SAMSN1: variants seen among roughly 807,000 people sequenced by gnomAD.
SAMSN1 encodes the protein SAM domain-containing protein SAMSN-1.
SAMSN1 carries 31 observed loss-of-function variants against 42.0 expected under a neutral mutation model. The ratio of observed to expected loss-of-function variants is 0.74; its 90% CI spans 0.55 to 1.00. The LOEUF is 1.00. Ranked by LOEUF, SAMSN1 falls within the 50% of genes least tolerant of loss-of-function variation. The probability of loss-of-function intolerance (pLI) is 0.00; values close to 1 mark genes in which losing one functional copy is unlikely to be tolerated. For synonymous variants in SAMSN1, 178 were observed against 151.9 expected, an observed-to-expected ratio of 1.17 and a Z score of -1.26; for missense variants, 464 against 439.4, an observed-to-expected ratio of 1.06 and a Z score of -0.50.
chr21:14,552,276 A>C (rs1980623185), intron 2 of SAMSN1, among the ~76,000 whole-genome samples: 2 of 151,932 alleles, frequency 1.3e-5, no homozygotes, highest in East Asian at 3.9e-4. Flanking sequence ...TCAGAGTAGA[A>C]GCACAAATGA....
rs141173339 is a variant in SAMSN1, at chr21:14,594,323, C to T, written c.400-245G>A. Among the ~76,000 whole-genome samples the T allele has an allele frequency of 4.5e-4, 69 of 151,926 alleles. No individual in the cohort carries two copies. In the East Asian group the frequency reaches 0.011, roughly 24 times the overall value. ...ACATAGTATATACACATTATATATC[C>T]ATATATGTGTGTGTGATATGTGTAT... On this transcript the variant is annotated intron_variant, in intron 6 of 15. Coordinates refer to the SAMSN1 transcript ENST00000647101.
chr21:14,652,112 C>G (rs931965690), intron 1 of SAMSN1, among the ~76,000 whole-genome samples: 1 of 151,850 alleles, frequency 6.6e-6, no homozygotes, highest in Non-Finnish European at 1.5e-5. Context: ...AATGTCCATT[C>G]TACTCAAAGC....
At chr21:14,577,366 G>T (rs1006988603) in intron 2 of SAMSN1, among the ~76,000 whole-genome samples, 1 of 144,812 alleles carries the variant, frequency 6.9e-6, no homozygotes, top group Non-Finnish European at 1.5e-5. Context: ...GCCTGCCTCA[G>T]CCTCCCAAAG....
chr21:14,570,219 G>A (rs998572014), intron 2 of SAMSN1, among the ~76,000 whole-genome samples: 1 of 152,144 alleles, frequency 6.6e-6, no homozygotes, highest in East Asian at 1.9e-4. Flanking sequence ...TCTAGAGAGA[G>A]AATTTATGAG....
upstream of SAMSN1, among the ~76,000 whole-genome samples, chr21:14,584,845 G>A (rs1202229016): frequency 1.3e-5 from 2 of 152,132 alleles, no homozygotes; most frequent in East Asian, 3.8e-4. Flanking sequence ...TCCTTTTAAG[G>A]AGACTATAAG....
At chr21:14,610,110 T>C (rs1982665803) in intron 4 of SAMSN1, among the ~76,000 whole-genome samples, 2 of 152,192 alleles carry the variant, frequency 1.3e-5, no homozygotes, top group Non-Finnish European at 2.9e-5. Context: ...ACAAGGGAGA[T>C]AACCTTAAAG....
At chr21:14,546,326 A>T, upstream of SAMSN1, 1 of 1,605,888 alleles carries the variant, frequency 6.2e-7, no homozygotes, top group African/African-American at 1.3e-5. Context: ...GAAAACAGTC[A>T]GCAGTGTGCT....
At chr21:14,562,713 T>C (rs950705699) in intron 2 of SAMSN1, among the ~76,000 whole-genome samples, 1 of 152,088 alleles carries the variant, frequency 6.6e-6, no homozygotes, top group Non-Finnish European at 1.5e-5. Context: ...ATCTTTATCC[T>C]AATTGGAAAA....
chr21:14,592,828 C>T (rs1013381588), intron 7 of SAMSN1, among the ~76,000 whole-genome samples: 9 of 152,248 alleles, frequency 5.9e-5, no homozygotes, highest in Non-Finnish European at 8.8e-5. Flanking sequence ...AGTTCTCTTG[C>T]TTCTGTTTCT....
chr21:14,613,595 A>C (rs573702149), intron 3 of SAMSN1, among the ~76,000 whole-genome samples: 12 of 152,316 alleles, frequency 7.9e-5, no homozygotes, highest in African/African-American at 2.6e-4. Flanking sequence ...TGCATAGATA[A>C]GGTTTCCTTT....
intron 5 of SAMSN1, among the ~76,000 whole-genome samples, chr21:14,604,477 G>C (rs574205519): frequency 6.6e-6 from 1 of 152,154 alleles, no homozygotes. Flanking sequence ...TGCTTGGGAC[G>C]CTGAGGCAGA....
intron 2 of SAMSN1, among the ~76,000 whole-genome samples, chr21:14,622,651 A>G (rs1185408220): frequency 2.0e-5 from 3 of 152,376 alleles, no homozygotes; most frequent in East Asian, 3.9e-4. Flanking sequence ...TGATTGGTGT[A>G]CCTGAAAGTG....
chr21:14,540,008 T>A (rs960661307), intron 1 of SAMSN1, among the ~76,000 whole-genome samples: 8 of 152,174 alleles, frequency 5.3e-5, no homozygotes, highest in African/African-American at 1.9e-4. Flanking sequence ...AACTATCTGA[T>A]CTTTGACAAA....
At chr21:14,651,958 C>T (rs1983844093) in intron 1 of SAMSN1, among the ~76,000 whole-genome samples, 2 of 151,790 alleles carry the variant, frequency 1.3e-5, no homozygotes, top group South Asian at 2.1e-4. Context: ...AGTGAAAGAT[C>T]TCTATAATAA....
intron 5 of SAMSN1, among the ~76,000 whole-genome samples, chr21:14,608,453 G>A (rs1260470248): frequency 6.6e-6 from 1 of 152,126 alleles, no homozygotes; most frequent in Non-Finnish European, 1.5e-5. Flanking sequence ...CCTCCACAGT[G>A]GGCTGAAGCA....
chr21:14,531,381 T>A (rs1278625552), intron 1 of SAMSN1, among the ~76,000 whole-genome samples: 1 of 152,052 alleles, frequency 6.6e-6, no homozygotes, highest in Non-Finnish European at 1.5e-5. Context: ...TCTATTCAAT[T>A]TTATCATCAA....
chr21:14,625,616 A>G (rs1273474885), intron 2 of SAMSN1, among the ~76,000 whole-genome samples: 2 of 152,230 alleles, frequency 1.3e-5, no homozygotes, highest in Non-Finnish European at 2.9e-5. Context: ...CCACTGCTCA[A>G]TGAGATAAAA....
At chr21:14,528,304 A>G (rs1979011824) in intron 1 of SAMSN1, among the ~76,000 whole-genome samples, 2 of 152,270 alleles carry the variant, frequency 1.3e-5, no homozygotes, top group Non-Finnish European at 2.9e-5. Context: ...TACCACTAAA[A>G]TAAATACTAA....
At chr21:14,530,862 T>C (rs1187898879) in intron 1 of SAMSN1, among the ~76,000 whole-genome samples, 1 of 152,200 alleles carries the variant, frequency 6.6e-6, no homozygotes, top group African/African-American at 2.4e-5. Flanking sequence ...GGTACCTTGA[T>C]ACAGGGAGGG....
Sources: gnomAD v4.1 joint callset for allele counts (sites outside exome capture counted in the v4.1 genomes callset) on GRCh38, gnomAD v4.1.1 for gene constraint, MANE v1.5 for transcripts, NCBI Gene and HGNC (gene_info 2026-07-23, HGNC 2026-07-21) for gene names.